PRKAR1B: variants seen among roughly 807,000 people sequenced by gnomAD.
The protein encoded by PRKAR1B is cAMP-dependent protein kinase type I-beta regulatory subunit.
In PRKAR1B, 22 loss-of-function variants were observed where a neutral mutation model predicts 46.5. The observed-to-expected ratio is 0.47, with a 90% CI of 0.34 to 0.68. The LOEUF is 0.68. Among genes scored for constraint, PRKAR1B ranks in the 30% least tolerant of loss-of-function variants. The pLI, the probability that PRKAR1B is intolerant of heterozygous loss-of-function variation, is 0.01. For synonymous variants in PRKAR1B, 259 were observed against 217.7 expected, an observed-to-expected ratio of 1.19 and a Z score of -1.67; for missense variants, 445 against 535.6, an observed-to-expected ratio of 0.83 and a Z score of 1.67.
Position 587,426 on chromosome 7 carries a change from G to A in PRKAR1B, c.709-2858C>T, listed in dbSNP as rs557782168. 9.5e-4 allele frequency among the ~76,000 whole-genome samples: 144 copies of A among 152,318 alleles called. 3 individuals carry two copies. In the South Asian group the frequency reaches 0.022, roughly 23 times the overall value. Reference sequence around the variant, plus strand: ...AGGAGAAAGTGGAGGTGAGTGCTTCGGAGGTGTGTGTCTGAAGTTACCCAC... The same window carrying A: ...AGGAGAAAGTGGAGGTGAGTGCTTCAGAGGTGTGTGTCTGAAGTTACCCAC... On this transcript the variant is annotated intron_variant, in intron 7 of 10. Transcript: ENST00000537384.
intron 4 of PRKAR1B, among the ~76,000 whole-genome samples, chr7:610,155 C>T (rs1414753817): frequency 2.0e-5 from 3 of 152,226 alleles, no homozygotes; most frequent in Non-Finnish European, 4.4e-5. Flanking sequence ...ATGGACATGA[C>T]AGAACTCCCC....
intron 9 of PRKAR1B, among the ~76,000 whole-genome samples, chr7:563,560 G>A (rs1481518087): frequency 6.6e-6 from 1 of 151,988 alleles, no homozygotes; most frequent in Non-Finnish European, 1.5e-5. Flanking sequence ...ATGTGTGCAC[G>A]TGTGAGTGCG....
intron 1 of PRKAR1B, among the ~76,000 whole-genome samples, chr7:716,033 A>AT (rs373770395): frequency 7.3e-4 from 106 of 144,934 alleles, no homozygotes; most frequent in Admixed American, 2.5e-3. Context: ...TTCTTTATAT[A>AT]TTTTTTTTTT....
intron 3 of PRKAR1B, among the ~76,000 whole-genome samples, chr7:678,260 A>G (rs1042690711): frequency 2.0e-5 from 3 of 152,170 alleles, no homozygotes; most frequent in Non-Finnish European, 4.4e-5. Flanking sequence ...CAGAGGGAGA[A>G]TTTGTCTCAA....
chr7:680,306 C>A (rs1205701953), intron 3 of PRKAR1B, among the ~76,000 whole-genome samples: 1 of 152,184 alleles, frequency 6.6e-6, no homozygotes, highest in Non-Finnish European at 1.5e-5. Context: ...CCTAAGGCCG[C>A]CATGGGGCTG....
rs2128538168 is a variant in PRKAR1B, at chr7:726,876, C to T, written c.-23+334G>A. 3.8e-6 allele frequency: 5 copies of T among 1,327,312 alleles called. No individual in the cohort carries two copies. In the South Asian group the frequency reaches 5.7e-5, roughly 15 times the overall value. 82.2% of individuals were successfully genotyped at this position (1,327,312 alleles called of 1,614,324 possible). ...CGGGCCGGCGGCGCGCCTTGGAGGC[C>T]CTGCGGCGCGCGCTGGAGGAGCCAG... is the stretch of plus-strand genomic sequence containing the variant. On this transcript the variant is annotated intron_variant, in intron 1 of 10. Coordinates refer to ENST00000537384, the MANE Select transcript of PRKAR1B (RefSeq NM_001164760.2).
At chr7:663,485 C>T (rs551749307) in intron 4 of PRKAR1B, among the ~76,000 whole-genome samples, 1 of 152,348 alleles carries the variant, frequency 6.6e-6, no homozygotes, top group African/African-American at 2.4e-5. Context: ...AATCCCCCTG[C>T]CTCAGCCTCC....
chr7:641,142 C>T (rs1784364954), intron 4 of PRKAR1B, among the ~76,000 whole-genome samples: 2 of 152,102 alleles, frequency 1.3e-5, no homozygotes, highest in South Asian at 4.2e-4. Context: ...TTAGTAGAGA[C>T]GGCGTTTCAC....
At chr7:624,598 T>C (rs960677756) in intron 4 of PRKAR1B, among the ~76,000 whole-genome samples, 8 of 152,182 alleles carry the variant, frequency 5.3e-5, no homozygotes, top group Non-Finnish European at 1.0e-4. Flanking sequence ...TGGTGATTGG[T>C]TAATTAAGTT....
At chr7:728,499 T>C (rs1781444598), upstream of PRKAR1B, among the ~76,000 whole-genome samples, 1 of 152,212 alleles carries the variant, frequency 6.6e-6, no homozygotes, top group Non-Finnish European at 1.5e-5. Flanking sequence ...TGCCGAGATT[T>C]CCACGTTGGT....
At chr7:620,998 A>G (rs771384595) in intron 4 of PRKAR1B, among the ~76,000 whole-genome samples, 9 of 152,264 alleles carry the variant, frequency 5.9e-5, no homozygotes, top group African/African-American at 1.4e-4. Context: ...GAGCTTTGTC[A>G]AAACCTTTTC....
intron 1 of PRKAR1B, chr7:712,637 C>A (rs1780719125): frequency 7.9e-6 from 1 of 127,284 alleles, no homozygotes; most frequent in African/African-American, 2.9e-5. Flanking sequence ...GGCCCCCACC[C>A]CCGGCTCTCC....
At chr7:594,289 A>C (rs1342676940) in intron 7 of PRKAR1B, among the ~76,000 whole-genome samples, 14 of 152,096 alleles carry the variant, frequency 9.2e-5, no homozygotes, top group Non-Finnish European at 1.9e-4. Context: ...GGAGGGAACC[A>C]TCCCAAGCAG....
chr7:622,032 AC>A (rs1260473936), intron 4 of PRKAR1B, among the ~76,000 whole-genome samples: 7 of 152,018 alleles, frequency 4.6e-5, no homozygotes, highest in African/African-American at 1.7e-4. Flanking sequence ...TCTCTTCACC[AC>A]TCTGGCTTTT....
At chr7:705,690 A>G (rs992653317) in intron 2 of PRKAR1B, among the ~76,000 whole-genome samples, 7 of 152,192 alleles carry the variant, frequency 4.6e-5, no homozygotes, top group African/African-American at 1.7e-4. Flanking sequence ...TCTATGCAAC[A>G]GAACACTGCC....
At chr7:559,150 G>A (rs190546425) in intron 9 of PRKAR1B, among the ~76,000 whole-genome samples, 3 of 152,336 alleles carry the variant, frequency 2.0e-5, no homozygotes, top group Admixed American at 6.5e-5. Flanking sequence ...ATCCCTGCCC[G>A]GACCAGGACT....
intron 6 of PRKAR1B, among the ~76,000 whole-genome samples, chr7:601,401 C>T (rs563711194): frequency 6.6e-6 from 1 of 152,376 alleles, no homozygotes; most frequent in East Asian, 1.9e-4. Flanking sequence ...CGGCCGTTCC[C>T]CCGGGTGCTG....
intron 4 of PRKAR1B, 43 bp downstream of exon 4, chr7:677,186 G>A (rs1194903287): frequency 6.3e-7 from 1 of 1,596,612 alleles, no homozygotes; most frequent in Non-Finnish European, 8.6e-7. Context: ...CGGAGGCCGA[G>A]GAGGGCGGCG....
At chr7:712,140 C>G (rs925732815) in intron 1 of PRKAR1B, among the ~76,000 whole-genome samples, 3 of 151,164 alleles carry the variant, frequency 2.0e-5, no homozygotes, top group African/African-American at 7.3e-5. Context: ...GGCACCGCAC[C>G]GCGGGGCGCA....
Sources: gnomAD v4.1 joint callset for allele counts (sites outside exome capture counted in the v4.1 genomes callset) on GRCh38, gnomAD v4.1.1 for gene constraint, MANE v1.5 for transcripts, NCBI Gene and HGNC (gene_info 2026-07-23, HGNC 2026-07-21) for gene names.